USP36: variants seen among roughly 807,000 people sequenced by gnomAD.
USP36 encodes ubiquitin specific peptidase 36, also known as ubiquitin carboxyl-terminal hydrolase 36.
Under a neutral mutation model 111.5 loss-of-function variants are expected in USP36, and 59 were observed. The ratio of observed to expected loss-of-function variants is 0.53; its 90% CI spans 0.43 to 0.66. USP36 has a LOEUF of 0.66. USP36 is among the 30% of genes least tolerant of loss of function. USP36 has a pLI of 0.00. For missense variants in USP36, 1,488 were observed against 1,468.0 expected (o/e 1.01, Z -0.22); for synonymous variants, 628 against 581.0 (o/e 1.08, Z -1.16).
chr17:78,811,130 CAAAAAAAAAAAAAA>C (rs969048033), intron 13 of USP36, among the ~76,000 whole-genome samples: 1 of 28,350 alleles, frequency 3.5e-5, no homozygotes, highest in Non-Finnish European at 7.5e-5. Context: ...GACTCTGTCT[CAAAAAAAAAAAAAA>C]AAAAAAAAAA....
intron 6 of USP36, among the ~76,000 whole-genome samples, chr17:78,823,530 T>G (rs555798263): frequency 6.2e-4 from 95 of 152,070 alleles, no homozygotes; most frequent in African/African-American, 2.2e-3. Context: ...CAAAGGGCAG[T>G]AGAGAACAGC....
In USP36 at chr17:78,821,064, G is replaced by A. The variant is rs367739793; in HGVS notation, c.758-3C>T. 4.4e-6 allele frequency: 7 copies of A among 1,598,278 alleles called. No homozygotes were observed. Among genetic ancestry groups the A allele is most frequent in the Non-Finnish European group, 6.0e-6 (7 of 1,172,100 alleles). ...GCTCTTGCACACGGAGCACTTCACT[G>A]CAACAGAACAGAGGCAGTGGAGCAG... On this transcript the variant is annotated splice_region_variant and splice_polypyrimidine_tract_variant and intron_variant, in intron 7 of 20. Coordinates refer to ENST00000449938, the MANE Select transcript of USP36 (RefSeq NM_001385174.1).
downstream of USP36, among the ~76,000 whole-genome samples, chr17:78,790,981 G>A (rs149302673): frequency 1.7e-4 from 26 of 152,216 alleles, no homozygotes; most frequent in Admixed American, 3.9e-4. Context: ...ATGAAAACAC[G>A]CATGCAAGAC....
chr17:78,815,838 TAC>T (rs10582083), intron 10 of USP36, among the ~76,000 whole-genome samples: 6,817 of 137,622 alleles, frequency 0.05, 267 homozygotes, highest in African/African-American at 0.16. Flanking sequence ...CATATATACA[TAC>T]ACACACACAT....
chr17:78,822,466 G>A (rs1163829367), intron 6 of USP36, among the ~76,000 whole-genome samples: 1 of 148,894 alleles, frequency 6.7e-6, no homozygotes, highest in Non-Finnish European at 1.5e-5. Context: ...AATCTGGGAA[G>A]AGGGGTGGGG....
At chr17:78,839,497 T>A (rs573662280) in intron 1 of USP36, among the ~76,000 whole-genome samples, 8 of 152,308 alleles carry the variant, frequency 5.3e-5, no homozygotes, top group African/African-American at 1.9e-4. Context: ...CTGCTTTCGG[T>A]TAGGACTCAC....
intron 17 of USP36, among the ~76,000 whole-genome samples, chr17:78,801,789 C>T (rs533974667): frequency 2.0e-5 from 3 of 152,304 alleles, no homozygotes; most frequent in East Asian, 1.9e-4. Flanking sequence ...GGAGTCATTC[C>T]GTGAGAAGCT....
In USP36 at chr17:78,798,512, T is replaced by C; in HGVS notation, c.3280A>G (p.Asn1094Asp). 1 of 1,614,016 alleles carries C rather than the reference T, an allele frequency of 6.2e-7. No individual in the cohort carries two copies. The highest frequency in any genetic ancestry group is 1.3e-5 in the African/African-American group (1 of 75,012). Reference protein sequence around the residue: ...IKKFKREKRRNFNAFQKLQTR... With the variant: ...IKKFKREKRRDFNAFQKLQTR... ...TGAAGTTTCTGGAAGGCGTTGAAGT[T>C]TCTCCTCTTCTCTCTCTTAAATTTT... The change falls in exon 20 of 21, where the codon AAC becomes GAC. Residue 1094 changes from asparagine to aspartate, a missense_variant. Transcript: ENST00000449938. The surrounding 1 kb of genome is among the most constrained non-coding windows in gnomAD (Gnocchi z 5.1).
chr17:78,793,541 C>A (rs1307519590), downstream of USP36, among the ~76,000 whole-genome samples: 1 of 152,136 alleles, frequency 6.6e-6, no homozygotes, highest in East Asian at 1.9e-4. Flanking sequence ...CACCTCCGGG[C>A]AAGAGTGTGA....
intron 18 of USP36, 49 bp from the exon 19 acceptor site, chr17:78,799,072 C>T: frequency 3.2e-6 from 5 of 1,574,988 alleles, no homozygotes; most frequent in Non-Finnish European, 3.5e-6. Flanking sequence ...CCCAGGTCCC[C>T]TGTGGCTTCA....
intron 3 of USP36, 48 bp downstream of exon 3, chr17:78,836,063 G>A (rs200096887): frequency 8.8e-6 from 14 of 1,593,006 alleles, no homozygotes; most frequent in Admixed American, 8.7e-5. Context: ...CATCCACTTC[G>A]TCACCCCGGA....
At chr17:78,806,829 GAC>G in intron 14 of USP36, 128 bp downstream of exon 14, 1 of 1,304,762 alleles carries the variant, frequency 7.7e-7, no homozygotes, top group Non-Finnish European at 1.1e-6. Flanking sequence ...ACGACTAAAA[GAC>G]ACTTTGTTCC....
intron 4 of USP36, among the ~76,000 whole-genome samples, chr17:78,833,159 C>T (rs1020184895): frequency 1.3e-5 from 2 of 152,218 alleles, no homozygotes; most frequent in Middle Eastern, 3.4e-3. Flanking sequence ...AAAAAACGCC[C>T]CCAAACAATG....
chr17:78,817,300 C>T (rs6501252), intron 10 of USP36, among the ~76,000 whole-genome samples: 8,237 of 152,234 alleles, frequency 0.054, 694 homozygotes, highest in African/African-American at 0.19. Flanking sequence ...TGTGGTTACA[C>T]GACACCTGAG....
At chr17:78,802,962 A>G (rs2093794013) in intron 16 of USP36, among the ~76,000 whole-genome samples, 1 of 151,712 alleles carries the variant, frequency 6.6e-6, no homozygotes, top group Non-Finnish European at 1.5e-5. Context: ...TTTTTTTTAG[A>G]CAGGGTTTAG....
chr17:78,788,668 G>A (rs768771491), intron 3 of USP36, among the ~76,000 whole-genome samples: 4 of 152,084 alleles, frequency 2.6e-5, no homozygotes, highest in Non-Finnish European at 5.9e-5. Flanking sequence ...CATGAAGGAA[G>A]GAAGGGCCAA....
In USP36 at chr17:78,814,295, A is replaced by G. The variant is rs1197157936; in HGVS notation, c.1164+117T>C. ...GAGAGGCAACAACGAGGACTTGAATACAACCACAAAACATCACACTTTTCA... is the reference window on the plus strand; with the variant it reads ...GAGAGGCAACAACGAGGACTTGAATGCAACCACAAAACATCACACTTTTCA... On this transcript the variant is annotated intron_variant, in intron 11 of 20. Coordinates refer to ENST00000449938, the MANE Select transcript of USP36 (RefSeq NM_001385174.1). 2.8e-6 allele frequency: 4 copies of G among 1,404,412 alleles called. No homozygotes were observed. The African/African-American group carries it at 5.7e-5, about 20-fold the overall frequency. The allele number at this position is 1,404,412 out of a possible 1,614,324, so 87.0% of individuals were successfully genotyped here. A position where few individuals can be genotyped will look rare whatever the true frequency, so the allele number is the denominator to read the frequency against.
intron 15 of USP36, 126 bp downstream of exon 15, chr17:78,806,030 T>C (rs780594187): frequency 1.7e-4 from 253 of 1,522,292 alleles, no homozygotes; most frequent in Non-Finnish European, 2.2e-4. Flanking sequence ...CCCCTGTACC[T>C]CCTGGCTGCC....
intron 6 of USP36, chr17:78,826,768 C>T: frequency 3.6e-6 from 1 of 281,406 alleles, no homozygotes; most frequent in Admixed American, 4.7e-5. Flanking sequence ...ACAGTCAGAT[C>T]CTAAAGTTAT....
Sources: allele counts gnomAD v4.1 joint callset (sites outside exome capture counted in the v4.1 genomes callset), GRCh38; gene constraint gnomAD v4.1.1; non-coding constraint Gnocchi (gnomAD v3.1); transcripts MANE v1.5; gene names NCBI Gene and HGNC (gene_info 2026-07-23, HGNC 2026-07-21).